NDUFV2: variants seen among roughly 807,000 people sequenced by gnomAD.
NDUFV2 encodes the protein NADH dehydrogenase [ubiquinone] flavoprotein 2, mitochondrial.
In NDUFV2, 18 loss-of-function variants were observed where a neutral mutation model predicts 31.6. The ratio of observed to expected loss-of-function variants is 0.57; its 90% CI spans 0.39 to 0.84. NDUFV2 has a LOEUF of 0.84. Ranked by LOEUF, NDUFV2 falls within the 40% of genes least tolerant of loss-of-function variation. The pLI is 0.00. For missense variants in NDUFV2, 314 were observed against 303.6 expected (o/e 1.03, Z -0.26); for synonymous variants, 83 against 99.8 (o/e 0.83, Z 1.01).
chr18:9,122,483 A>G (rs757110640), intron 4 of NDUFV2, 30 bp from the exon 5 acceptor site: 1 of 1,551,834 alleles, frequency 6.4e-7, no homozygotes, highest in South Asian at 1.1e-5. Flanking sequence ...CACTGTAATT[A>G]TCTTATTTTT....
chr18:9,103,316 A>G (rs1598339464), intron 1 of NDUFV2: 4 of 395,846 alleles, frequency 1.0e-5, no homozygotes, highest in Non-Finnish European at 1.8e-5. Flanking sequence ...AATGCTGGCT[A>G]AATAAACGGT....
intron 1 of NDUFV2, among the ~76,000 whole-genome samples, chr18:9,112,017 G>GTT (rs10659823): frequency 0.14 from 16,630 of 122,280 alleles, 1,743 homozygotes; most frequent in African/African-American, 0.23. Flanking sequence ...CATCAGAAGG[G>GTT]TTTTTTTTTT....
chr18:9,105,017 T>C (rs1414636448), intron 1 of NDUFV2: 1 of 1,497,252 alleles, frequency 6.7e-7, no homozygotes. Flanking sequence ...TTTTGTAATG[T>C]ATTCTGAACA....
chr18:9,127,968 T>C (rs1040816601), intron 7 of NDUFV2, among the ~76,000 whole-genome samples: 7 of 152,258 alleles, frequency 4.6e-5, no homozygotes, highest in Non-Finnish European at 1.0e-4. Flanking sequence ...TCCCGTCCCA[T>C]ACCTGTGTTA....
intron 1 of NDUFV2, among the ~76,000 whole-genome samples, chr18:9,116,872 C>T (rs2077900776): frequency 6.6e-6 from 1 of 151,944 alleles, no homozygotes; most frequent in South Asian, 2.1e-4. Context: ...TGGAGGAATC[C>T]AGAACAGTAG....
intron 1 of NDUFV2, chr18:9,103,942 C>T: frequency 2.0e-6 from 1 of 490,404 alleles, no homozygotes; most frequent in Non-Finnish European, 3.6e-6. Context: ...ATTACTTTTT[C>T]CTCATATTAC....
intron 2 of NDUFV2, among the ~76,000 whole-genome samples, chr18:9,118,393 C>T (rs1188361243): frequency 6.6e-6 from 1 of 151,908 alleles, no homozygotes; most frequent in Non-Finnish European, 1.5e-5. Context: ...GATATTATAT[C>T]TCCCTTTTCT....
chr18:9,109,279 G>A (rs1381432778), intron 1 of NDUFV2, among the ~76,000 whole-genome samples: 2 of 152,192 alleles, frequency 1.3e-5, no homozygotes, highest in Non-Finnish European at 2.9e-5. Context: ...TATATTCCTT[G>A]CCTTAGTTGG....
At chr18:9,124,770 C>T (rs1442872878) in intron 5 of NDUFV2, 104 bp from the exon 6 acceptor site, 2 of 1,241,946 alleles carry the variant, frequency 1.6e-6, no homozygotes, top group East Asian at 5.1e-5. Context: ...ACTTAATAGT[C>T]TTAAACTTTT....
At chr18:9,118,821 T>TTTG (rs2077913251) in intron 2 of NDUFV2, among the ~76,000 whole-genome samples, 1 of 147,140 alleles carries the variant, frequency 6.8e-6, no homozygotes, top group Non-Finnish European at 1.5e-5. Flanking sequence ...TGCTGTTTTT[T>TTTG]TTTTTTTTTT....
intron 1 of NDUFV2, chr18:9,104,035 TA>T: frequency 1.0e-6 from 1 of 987,464 alleles, no homozygotes; most frequent in Non-Finnish European, 1.5e-6. Context: ...TGAGACAATG[TA>T]AAAGTACAGT....
intron 1 of NDUFV2, among the ~76,000 whole-genome samples, chr18:9,108,949 C>CA (rs975469733): frequency 6.6e-6 from 1 of 152,150 alleles, no homozygotes; most frequent in Non-Finnish European, 1.5e-5. Context: ...CCTCGGCTCT[C>CA]AAAGTGCTGG....
intron 1 of NDUFV2, 123 bp downstream of exon 1, chr18:9,102,920 A>T: frequency 1.9e-6 from 2 of 1,069,552 alleles, no homozygotes; most frequent in Non-Finnish European, 2.6e-6. Context: ...CGGCAAGGAC[A>T]CTGCGGCCTT....
chr18:9,105,204 T>C (rs1349174690), intron 1 of NDUFV2, among the ~76,000 whole-genome samples: 1 of 152,242 alleles, frequency 6.6e-6, no homozygotes, highest in Non-Finnish European at 1.5e-5. Context: ...CCTAAGTTCC[T>C]TTCCTAAATG....
chr18:9,112,861 T>A (rs1302594366), intron 1 of NDUFV2: 1 of 152,202 alleles, frequency 6.6e-6, no homozygotes, highest in African/African-American at 2.4e-5. Flanking sequence ...CTACATATTA[T>A]AGTATATATA....
At chr18:9,117,050 T>A (rs2077901764) in intron 1 of NDUFV2, among the ~76,000 whole-genome samples, 1 of 152,028 alleles carries the variant, frequency 6.6e-6, no homozygotes, top group South Asian at 2.1e-4. Flanking sequence ...TTTTTTTTTT[T>A]TTTTGAGACG....
intron 1 of NDUFV2, among the ~76,000 whole-genome samples, chr18:9,109,906 A>C (rs371875473): frequency 2.9e-4 from 44 of 152,360 alleles, no homozygotes; most frequent in African/African-American, 9.6e-4. Context: ...CACTGAAAAA[A>C]AAATAAGCTA....
intron 1 of NDUFV2, chr18:9,117,590 A>T (rs1329325783): frequency 1.4e-5 from 6 of 433,854 alleles, no homozygotes; most frequent in Non-Finnish European, 2.1e-5. Context: ...ACAAGTCAGC[A>T]GATCTGGGTT....
At chr18:9,130,050 A>ACTAT (rs1483723877) in intron 7 of NDUFV2, among the ~76,000 whole-genome samples, 3 of 152,166 alleles carry the variant, frequency 2.0e-5, no homozygotes, top group Admixed American at 1.3e-4. Flanking sequence ...TGTTTTAGAC[A>ACTAT]TAGTAAGTTT....
Sources: allele counts gnomAD v4.1 joint callset (sites outside exome capture counted in the v4.1 genomes callset), GRCh38; gene constraint gnomAD v4.1.1; transcripts MANE v1.5; gene names NCBI Gene and HGNC (gene_info 2026-07-23, HGNC 2026-07-21).